CDK5RAP2: variants seen among roughly 807,000 people sequenced by gnomAD.
The protein encoded by CDK5RAP2 is CDK5 regulatory subunit associated protein 2.
A neutral mutation model predicts 232.9 loss-of-function variants in CDK5RAP2; 147 were observed. The ratio of observed to expected loss-of-function variants is 0.63; its 90% CI spans 0.55 to 0.72. The LOEUF is 0.72. CDK5RAP2 is among the 30% of genes least tolerant of loss of function. The pLI is 0.00. For missense variants in CDK5RAP2, 2,195 were observed against 2,231.5 expected (o/e 0.98, Z 0.33); for synonymous variants, 833 against 833.7 (o/e 1.00, Z 0.01).
chr9:120,531,785 G>C (rs896066857), intron 7 of CDK5RAP2, among the ~76,000 whole-genome samples: 7 of 152,132 alleles, frequency 4.6e-5, no homozygotes, highest in African/African-American at 1.7e-4. Flanking sequence ...GGTAAAGAGG[G>C]AGACAAAGGT....
In CDK5RAP2 at chr9:120,403,654, G is replaced by T; in HGVS notation, c.5041+382C>A. 2 of 337,480 alleles carry T rather than the reference G, an allele frequency of 5.9e-6. No homozygotes were observed. The highest frequency in any genetic ancestry group is 8.8e-5 in the Admixed American group (2 of 22,784). 20.9% of individuals were successfully genotyped at this position (337,480 alleles called of 1,614,324 possible). On this transcript the variant is annotated intron_variant, in intron 33 of 37. Transcript: ENST00000349780. This position sits in a 1 kb window ranked among gnomAD's most constrained non-coding sequence, Gnocchi z 4.2. ...TACCGGCAAAGAGTGGGACAAAGGG[G>T]GTCTAAAAGTCACAGTGAGAGGAAA...
intron 6 of CDK5RAP2, among the ~76,000 whole-genome samples, chr9:120,537,203 C>A (rs766435900): frequency 7.9e-5 from 12 of 152,158 alleles, no homozygotes; most frequent in Non-Finnish European, 1.5e-4. Context: ...CCCAGCTCTC[C>A]CACATACTTG....
In CDK5RAP2 at chr9:120,533,942, C is replaced by T. The variant is rs917621549; in HGVS notation, c.662+2430G>A. ...CTTCTAGCCTGTTCTCCTCCATTCCCAGCTCTGTCACCTCCACTTTGGTCA... is the reference window on the plus strand; with the variant it reads ...CTTCTAGCCTGTTCTCCTCCATTCCTAGCTCTGTCACCTCCACTTTGGTCA... On this transcript the variant is annotated intron_variant, in intron 7 of 37. Transcript: ENST00000349780. 6.6e-5 allele frequency among the ~76,000 whole-genome samples: 10 copies of T among 152,216 alleles called. No homozygotes were observed. The East Asian group carries it at 1.5e-3, about 23-fold the overall frequency.
chr9:120,443,643 T>C lies in CDK5RAP2; in HGVS notation c.3125A>G (p.Asp1042Gly). Reference sequence around the variant, plus strand: ...ACCAATCTCGTAGCTTCTTTGCTGATCACTGTCCATTTCCTTGTCTCTCCA... The same window carrying C: ...ACCAATCTCGTAGCTTCTTTGCTGACCACTGTCCATTTCCTTGTCTCTCCA... ...SVWRDKEMDS[D>G]QQRSYEIDSE... Residue 1042 changes from aspartate to glycine, a missense_variant, in exon 23 of 38, where the codon GAT becomes GGT. By Grantham distance (94) the Asp-to-Gly change is moderately conservative. Coordinates refer to ENST00000349780, the MANE Select transcript of CDK5RAP2 (RefSeq NM_018249.6). 6.2e-7 allele frequency: 1 copy of C among 1,614,194 alleles called. No homozygotes were observed. Among genetic ancestry groups the C allele is most frequent in the Non-Finnish European group, 8.5e-7 (1 of 1,180,010 alleles).
rs1463966819 is a variant in CDK5RAP2 at position 120,485,851 on chromosome 9, G to A, written c.1626+1443C>T. Among the ~76,000 whole-genome samples the A allele has an allele frequency of 2.6e-5, 4 of 152,126 alleles. No homozygotes were observed. In the South Asian group the frequency reaches 6.2e-4, roughly 24 times the overall value. Reference sequence around the variant, plus strand: ...GTTACGTAAGTGAAATGACAGAGTCGACAGAGAGAAATCCAGGTCTCCAGA... The same window carrying A: ...GTTACGTAAGTGAAATGACAGAGTCAACAGAGAGAAATCCAGGTCTCCAGA... On this transcript the variant is annotated intron_variant, in intron 14 of 37. Transcript: ENST00000349780.
intron 12 of CDK5RAP2, among the ~76,000 whole-genome samples, chr9:120,496,093 C>T (rs2039210636): frequency 1.0e-4 from 7 of 70,100 alleles, no homozygotes; most frequent in East Asian, 5.1e-4. Flanking sequence ...TCTGCCCAGC[C>T]GCCCCTACTG....
intron 29 of CDK5RAP2, among the ~76,000 whole-genome samples, chr9:120,410,867 T>C (rs909875712): frequency 6.6e-6 from 1 of 152,178 alleles, no homozygotes; most frequent in Non-Finnish European, 1.5e-5. Context: ...TGAAAGATAA[T>C]GTAAGTGAAA....
intron 36 of CDK5RAP2, among the ~76,000 whole-genome samples, chr9:120,394,066 T>C (rs1416096438): frequency 1.4e-4 from 22 of 152,242 alleles, no homozygotes; most frequent in Admixed American, 1.3e-3. Flanking sequence ...GTTTCTCACA[T>C]ACAAAAACTT....
chr9:120,539,185 G>A, intron 5 of CDK5RAP2, 21 bp from the exon 6 acceptor site: 1 of 1,613,606 alleles, frequency 6.2e-7, no homozygotes, highest in Non-Finnish European at 8.5e-7. Context: ...AGGCACAGGG[G>A]TAAAACATGC....
intron 27 of CDK5RAP2, among the ~76,000 whole-genome samples, chr9:120,416,469 G>A (rs2034226387): frequency 1.3e-5 from 2 of 152,272 alleles, no homozygotes; most frequent in South Asian, 4.1e-4. Context: ...GTACAGACAA[G>A]GAAAGACACA....
chr9:120,493,857 C>A (rs1010928123), intron 12 of CDK5RAP2, among the ~76,000 whole-genome samples: 5 of 152,016 alleles, frequency 3.3e-5, no homozygotes, highest in African/African-American at 4.8e-5. Flanking sequence ...TTTGGGAGAC[C>A]GAGGCAGGCA....
At chr9:120,424,816 C>T (rs1238206308) in intron 25 of CDK5RAP2, among the ~76,000 whole-genome samples, 2 of 151,816 alleles carry the variant, frequency 1.3e-5, no homozygotes, top group Non-Finnish European at 2.9e-5. Flanking sequence ...TCTCATGCCT[C>T]AGCCTCCTGA....
At chr9:120,443,212 G>A (rs1030105569) in intron 23 of CDK5RAP2, among the ~76,000 whole-genome samples, 2 of 151,942 alleles carry the variant, frequency 1.3e-5, no homozygotes, top group African/African-American at 4.8e-5. Flanking sequence ...ACTCCTCCTG[G>A]GCACACGGAC....
chr9:120,424,960 G>A (rs2034799899), intron 25 of CDK5RAP2, among the ~76,000 whole-genome samples: 1 of 152,088 alleles, frequency 6.6e-6, no homozygotes, highest in African/African-American at 2.4e-5. Context: ...ACCTCCCAAA[G>A]TGCTAGGATT....
intron 7 of CDK5RAP2, chr9:120,532,612 C>T (rs968360178): frequency 1.3e-5 from 2 of 152,572 alleles, no homozygotes; most frequent in African/African-American, 4.8e-5. Context: ...AGGGAGGGAA[C>T]ACGCTGATCC....
chr9:120,394,713 T>C (rs1314612260), intron 35 of CDK5RAP2, 75 bp from the exon 36 acceptor site: 3 of 1,204,974 alleles, frequency 2.5e-6, no homozygotes, highest in East Asian at 2.3e-5. Context: ...TACAAAGCCA[T>C]ATAAAAAGAT....
intron 35 of CDK5RAP2, among the ~76,000 whole-genome samples, chr9:120,400,318 C>T (rs1214257472): frequency 6.6e-6 from 1 of 151,996 alleles, no homozygotes; most frequent in Non-Finnish European, 1.5e-5. Context: ...ATCAGAAGGT[C>T]CAGAAAAAGG....
chr9:120,508,098 G>A (rs1456354395), intron 12 of CDK5RAP2, among the ~76,000 whole-genome samples: 2 of 151,838 alleles, frequency 1.3e-5, no homozygotes, highest in Non-Finnish European at 2.9e-5. Flanking sequence ...AGAATGAGAA[G>A]GTTCTCATCC....
At chr9:120,528,025 CTT>C in intron 9 of CDK5RAP2, 100 bp from the exon 10 acceptor site, 1 of 1,449,004 alleles carries the variant, frequency 6.9e-7, no homozygotes, top group Non-Finnish European at 9.6e-7. Flanking sequence ...GTTATTCTAT[CTT>C]ATTCCTGTCA....
Sources: gnomAD v4.1 joint callset for allele counts (sites outside exome capture counted in the v4.1 genomes callset) on GRCh38, gnomAD v4.1.1 for gene constraint, Gnocchi (gnomAD v3.1) non-coding constraint, MANE v1.5 for transcripts, NCBI Gene and HGNC (gene_info 2026-07-23, HGNC 2026-07-21) for gene names.